Variants in SPATA17 observed in about 807,000 individuals in gnomAD.
The protein encoded by SPATA17 is spermatogenesis associated 17, also known as spermatogenesis-associated protein 17.
Under a neutral mutation model 62.2 loss-of-function variants are expected in SPATA17, and 53 were observed. The ratio of observed to expected loss-of-function variants is 0.85; its 90% CI spans 0.68 to 1.07. The LOEUF is 1.07. SPATA17 is among the 50% of genes least tolerant of loss of function. The probability of loss-of-function intolerance (pLI) is 0.00; values close to 1 mark genes in which losing one functional copy is unlikely to be tolerated. For missense variants in SPATA17, 466 were observed against 425.5 expected (o/e 1.10, Z -0.84); for synonymous variants, 146 against 146.8 (o/e 0.99, Z 0.04).
intron 4 of SPATA17, among the ~76,000 whole-genome samples, chr1:217,680,327 A>G (rs1671049264): frequency 6.6e-6 from 1 of 152,226 alleles, no homozygotes; most frequent in Non-Finnish European, 1.5e-5. Flanking sequence ...TGATGCTATA[A>G]TGATCAAATT....
Position 217,673,043 on chromosome 1 carries a change from C to T in SPATA17, c.291+3960C>T, listed in dbSNP as rs115390637. Among the ~76,000 whole-genome samples, 411 of 152,252 alleles carry T rather than the reference C, an allele frequency of 2.7e-3. 2 individuals carry two copies. Among genetic ancestry groups the T allele is most frequent in the African/African-American group, 9.2e-3 (382 of 41,546 alleles). On this transcript the variant is annotated intron_variant, in intron 4 of 10. Coordinates refer to ENST00000366933, the MANE Select transcript of SPATA17 (RefSeq NM_138796.4). ...GAGTAAAAAAAGTCCTTTACTTTAA[C>T]ACGTTTTTTCTAAGTTTCAAAGTGT...
rs917051111 is a variant in SPATA17 at position 217,792,069 on chromosome 1, TA to T, written c.873-9640del. On this transcript the variant is annotated intron_variant, in intron 8 of 10. Coordinates refer to ENST00000366933, the MANE Select transcript of SPATA17 (RefSeq NM_138796.4). ...TACACTAATGATAGCTGATAAACTT[TA>T]AAAAAAAATCACAACAAATAATTTT... is the stretch of plus-strand genomic sequence containing the variant. 6.6e-5 allele frequency among the ~76,000 whole-genome samples: 10 copies of T among 151,788 alleles called. No individual in the cohort carries two copies. In the South Asian group the frequency reaches 1.3e-3, roughly 19 times the overall value.
At chr1:217,688,946 G>T (rs2102910365) in intron 5 of SPATA17, among the ~76,000 whole-genome samples, 1 of 152,188 alleles carries the variant, frequency 6.6e-6, no homozygotes, top group Non-Finnish European at 1.5e-5. Context: ...CTGACTAAAA[G>T]CTTACCGAAT....
chr1:217,724,508 A>G (rs902939727), intron 5 of SPATA17, among the ~76,000 whole-genome samples: 1 of 152,138 alleles, frequency 6.6e-6, no homozygotes, highest in Non-Finnish European at 1.5e-5. Flanking sequence ...GAATCACCTG[A>G]ACCCAGGCAG....
chr1:217,822,973 C>A (rs1674903928), intron 9 of SPATA17, among the ~76,000 whole-genome samples: 1 of 151,864 alleles, frequency 6.6e-6, no homozygotes, highest in Non-Finnish European at 1.5e-5. Flanking sequence ...CATCAACTCT[C>A]ATGCATAATT....
chr1:217,707,655 C>G (rs1183331998), intron 5 of SPATA17, among the ~76,000 whole-genome samples: 1 of 152,158 alleles, frequency 6.6e-6, no homozygotes, highest in African/African-American at 2.4e-5. Flanking sequence ...AGGCAGAAAA[C>G]TAACAAAGAT....
At chr1:217,817,538 T>A (rs553077987) in intron 9 of SPATA17, among the ~76,000 whole-genome samples, 20 of 152,164 alleles carry the variant, frequency 1.3e-4, no homozygotes, top group African/African-American at 3.6e-4. Context: ...TTACCTAGTC[T>A]CAGGCAGTTC....
At chr1:217,750,077 A>C (rs1672870553) in intron 6 of SPATA17, among the ~76,000 whole-genome samples, 1 of 144,848 alleles carries the variant, frequency 6.9e-6, no homozygotes, top group African/African-American at 2.5e-5. Context: ...TCTACCTCTC[A>C]CAGAAGAGGA....
intron 4 of SPATA17, among the ~76,000 whole-genome samples, chr1:217,671,062 C>T (rs961241340): frequency 2.6e-5 from 4 of 152,032 alleles, no homozygotes; most frequent in Admixed American, 2.6e-4. Context: ...GTTACTCTTC[C>T]CTTGTATCAG....
intron 5 of SPATA17, among the ~76,000 whole-genome samples, chr1:217,700,519 A>C (rs1013364610): frequency 1.4e-4 from 21 of 152,118 alleles, no homozygotes; most frequent in Non-Finnish European, 2.9e-5. Context: ...TTGAATACAC[A>C]CCCATAGTTT....
chr1:217,787,631 C>A (rs188618337), intron 8 of SPATA17, among the ~76,000 whole-genome samples: 1 of 152,270 alleles, frequency 6.6e-6, no homozygotes, highest in Admixed American at 6.5e-5. Flanking sequence ...ACCTTAAACA[C>A]TATTAACTGA....
intron 8 of SPATA17, among the ~76,000 whole-genome samples, chr1:217,793,441 C>T (rs1674055532): frequency 1.3e-5 from 2 of 151,916 alleles, no homozygotes; most frequent in Admixed American, 1.3e-4. Flanking sequence ...AGGATGGTCT[C>T]GATCTCTTGA....
chr1:217,667,055 T>C (rs1210168374), intron 3 of SPATA17, among the ~76,000 whole-genome samples: 1 of 146,428 alleles, frequency 6.8e-6, no homozygotes, highest in African/African-American at 2.5e-5. Flanking sequence ...TTTCTTTTTT[T>C]TTTTTTTTTT....
chr1:217,649,258 C>G (rs1670254670), intron 2 of SPATA17, among the ~76,000 whole-genome samples: 1 of 152,094 alleles, frequency 6.6e-6, no homozygotes, highest in African/African-American at 2.4e-5. Flanking sequence ...GCAGATGGAT[C>G]ACTTGAGGTC....
At chr1:217,679,012 A>T (rs1246886560) in intron 4 of SPATA17, among the ~76,000 whole-genome samples, 1 of 152,178 alleles carries the variant, frequency 6.6e-6, no homozygotes, top group African/African-American at 2.4e-5. Context: ...TAAAAAAATT[A>T]AAAGTATATT....
At chr1:217,722,811 T>C (rs1404308803) in intron 5 of SPATA17, among the ~76,000 whole-genome samples, 1 of 152,164 alleles carries the variant, frequency 6.6e-6, no homozygotes, top group East Asian at 1.9e-4. Context: ...TCTCCATTGA[T>C]CTTTGGTCTG....
At chr1:217,636,184 C>G (rs922080685) in intron 1 of SPATA17, among the ~76,000 whole-genome samples, 1 of 147,866 alleles carries the variant, frequency 6.8e-6, no homozygotes, top group Non-Finnish European at 1.5e-5. Context: ...CATGATGTGA[C>G]TTCTGTCTAT....
intron 5 of SPATA17, among the ~76,000 whole-genome samples, chr1:217,734,665 A>T (rs1672472435): frequency 6.6e-6 from 1 of 152,176 alleles, no homozygotes; most frequent in Admixed American, 6.6e-5. Flanking sequence ...TATTTAAGAA[A>T]TCTATGTAGT....
intron 6 of SPATA17, among the ~76,000 whole-genome samples, chr1:217,770,461 T>TC (rs772665632): frequency 2.0e-5 from 3 of 152,174 alleles, no homozygotes; most frequent in Non-Finnish European, 4.4e-5. Flanking sequence ...AATTAGAACA[T>TC]TAGTAATTGT....
Sources: gnomAD v4.1 joint callset for allele counts (sites outside exome capture counted in the v4.1 genomes callset) on GRCh38, gnomAD v4.1.1 for gene constraint, MANE v1.5 for transcripts, NCBI Gene and HGNC (gene_info 2026-07-23, HGNC 2026-07-21) for gene names.